Variants in FSIP2 observed in about 807,000 individuals in gnomAD.
FSIP2 encodes fibrous sheath interacting protein 2.
Under a neutral mutation model 510.5 loss-of-function variants are expected in FSIP2, and 367 were observed. The ratio of observed to expected loss-of-function variants is 0.72; its 90% confidence interval spans 0.66 to 0.78. FSIP2 has a LOEUF of 0.78. Ranked by LOEUF, FSIP2 falls within the 30% of genes least tolerant of loss-of-function variation. The pLI, the probability that FSIP2 is intolerant of heterozygous loss-of-function variation, is 0.00. For missense variants in FSIP2, 7,594 were observed against 7,901.7 expected (o/e 0.96, Z 1.48); for synonymous variants, 2,601 against 2,732.2 (o/e 0.95, Z 1.50).
chr2:185,818,549 A>G (rs1394917383), intron 19 of FSIP2, among the ~76,000 whole-genome samples: 1 of 151,884 alleles, frequency 6.6e-6, no homozygotes, highest in Non-Finnish European at 1.5e-5. Flanking sequence ...GAAGACAAAG[A>G]TAATCTTTAA....
At chr2:185,821,309 C>A (rs1023107661) in intron 19 of FSIP2, among the ~76,000 whole-genome samples, 1 of 151,720 alleles carries the variant, frequency 6.6e-6, no homozygotes, top group Non-Finnish European at 1.5e-5. Context: ...AACTGAAAAA[C>A]CTCCTAACAA....
chr2:185,771,457 C>A (rs902026925), intron 13 of FSIP2, among the ~76,000 whole-genome samples: 1 of 152,210 alleles, frequency 6.6e-6, no homozygotes, highest in Non-Finnish European at 1.5e-5. Context: ...GCACATAGAA[C>A]CTGACAAGGC....
At chr2:185,757,366 T>C (rs1344594266) in intron 9 of FSIP2, among the ~76,000 whole-genome samples, 1 of 151,406 alleles carries the variant, frequency 6.6e-6, no homozygotes, top group African/African-American at 2.4e-5. Flanking sequence ...TAAATTTAAT[T>C]AAACATGGTT....
Position 185,792,185 on chromosome 2 carries a change from C to T in FSIP2, c.5049C>T (p.Val1683=). 1 of 1,531,436 alleles carries T rather than the reference C, an allele frequency of 6.5e-7. No individual in the cohort carries two copies. Among genetic ancestry groups the T allele is most frequent in the Non-Finnish European group, 8.7e-7 (1 of 1,144,314 alleles). 94.9% of individuals were successfully genotyped at this position (1,531,436 alleles called of 1,614,324 possible). A position where few individuals can be genotyped will look rare whatever the true frequency, so the allele number is the denominator to read the frequency against. ...AGACTCAAATACTTAAGTATGTAGTCAAGTTAATTTTAGATGCAGTATCTT... is the reference window on the plus strand; with the variant it reads ...AGACTCAAATACTTAAGTATGTAGTTAAGTTAATTTTAGATGCAGTATCTT... The part of the protein sequence containing the change: ...PPETQILKYV[V]KLILDAVSSD... Residue 1683 remains valine (V), a synonymous_variant, in exon 16 of 23, where the codon GTC becomes GTT. Transcript: ENST00000424728.
chr2:185,832,667 G>C (rs6743211), intron 22 of FSIP2, among the ~76,000 whole-genome samples: 100,674 of 151,568 alleles, frequency 0.66, 33,683 homozygotes, highest in South Asian at 0.72. Context: ...CAAAAAAAAT[G>C]CAAATAGGAA....
Position 185,800,299 on chromosome 2 carries a change from G to A in FSIP2, c.10993G>A (p.Gly3665Ser). ...CTGGCAATTTTCTACTCAACAAATT[G>A]GTCAACTTTTTCAAAAAAATAAGTT... ...RDWQFSTQQI[G>S]QLFQKNKLSY... Residue 3665 changes from glycine to serine, a missense_variant, in exon 17 of 23, where the codon GGT becomes AGT. Coordinates refer to ENST00000424728, the MANE Select transcript of FSIP2 (RefSeq NM_173651.4). 1 of 1,533,626 alleles carries A rather than the reference G, an allele frequency of 6.5e-7. No homozygotes were observed. Among genetic ancestry groups the A allele is most frequent in the Non-Finnish European group, 8.7e-7 (1 of 1,145,512 alleles).
At chr2:185,832,621 T>C (rs2105510970) in intron 22 of FSIP2, among the ~76,000 whole-genome samples, 1 of 151,884 alleles carries the variant, frequency 6.6e-6, no homozygotes, top group African/African-American at 2.4e-5. Context: ...ACTGAGATGA[T>C]TATATTCTTT....
chr2:185,789,198 A>AATTT lies in FSIP2; in HGVS notation c.2064_2067dup (p.Lys690PhefsTer7). On this transcript the variant is annotated frameshift_variant, in exon 16 of 23. Coordinates refer to ENST00000424728, the MANE Select transcript of FSIP2 (RefSeq NM_173651.4). LOFTEE classifies it high-confidence loss of function. ...AGCAAAAGCCATGGATGAAATGAAG[A>AATTT]ATTTAAAAAATGTTTTTGTTAACTT... The AATTT allele has an allele frequency of 1.3e-6, 2 of 1,534,448 alleles. No individual in the cohort carries two copies. The highest frequency in any genetic ancestry group is 1.7e-6 in the Non-Finnish European group (2 of 1,145,694).
In FSIP2 at chr2:185,803,235, A is replaced by G. The variant is rs1368214658; in HGVS notation, c.13929A>G (p.Gln4643=). ...KIFHRVVGIV[Q]TKSIRDSEDE... ...TCCACAGGGTAGTAGGCATTGTACA[A>G]ACAAAATCCATAAGAGATTCAGAAG... is the stretch of plus-strand genomic sequence containing the variant. Residue 4643 remains glutamine, a synonymous_variant, in exon 17 of 23, where the codon CAA becomes CAG. Transcript: ENST00000424728. 3 of 1,528,490 alleles carry G rather than the reference A, an allele frequency of 2.0e-6. No homozygotes were observed. In the African/African-American group the frequency reaches 4.1e-5, roughly 21 times the overall value. The allele number at this position is 1,528,490 out of a possible 1,614,324, so 94.7% of individuals were successfully genotyped here.
chr2:185,776,575 T>C (rs1001924126), intron 13 of FSIP2, among the ~76,000 whole-genome samples: 3 of 152,238 alleles, frequency 2.0e-5, no homozygotes, highest in African/African-American at 7.2e-5. Flanking sequence ...TATTCATTTT[T>C]AATTTATTTG....
At position 185,793,846 on chromosome 2, in the gene FSIP2, A is replaced by ACACT; in HGVS notation, c.6713_6716dup (p.Gln2239HisfsTer7). On this transcript the variant is annotated frameshift_variant, in exon 16 of 23. Transcript: ENST00000424728. LOFTEE classifies it high-confidence loss of function. ...CAGATAACTGTAGTAGAGAAAGAAG[A>ACACT]CACTCAGAAATCTGCTACTGACTCA... 6.5e-7 allele frequency: 1 copy of ACACT among 1,531,920 alleles called. No individual in the cohort carries two copies. Among genetic ancestry groups the ACACT allele is most frequent in the Non-Finnish European group, 8.7e-7 (1 of 1,144,742 alleles). The allele number at this position is 1,531,920 out of a possible 1,614,324, so 94.9% of individuals were successfully genotyped here.
At chr2:185,737,191 C>A (rs1294341920), upstream of FSIP2, among the ~76,000 whole-genome samples, 1 of 152,174 alleles carries the variant, frequency 6.6e-6, no homozygotes, top group East Asian at 1.9e-4. Flanking sequence ...CAGTGAGATT[C>A]TCTTTGGATT....
At position 185,801,553 on chromosome 2, in the gene FSIP2, A is replaced by C; in HGVS notation, c.12247A>C (p.Ile4083Leu). ...AATAGCAGAACAAATAACAAATGGCATATTGTTAGAGATTTTAGACTACAA... is the reference window on the plus strand; with the variant it reads ...AATAGCAGAACAAATAACAAATGGCCTATTGTTAGAGATTTTAGACTACAA... ...ASIAEQITNGILLEILDYKLP... is the reference protein window; with the variant it reads ...ASIAEQITNGLLLEILDYKLP... Residue 4083 changes from isoleucine to leucine, a missense_variant, in exon 17 of 23, where the codon ATA becomes CTA. Physicochemically the swap from Ile to Leu is conservative, Grantham distance 5. Coordinates refer to ENST00000424728, the MANE Select transcript of FSIP2 (RefSeq NM_173651.4). 1 of 1,533,926 alleles carries C rather than the reference A, an allele frequency of 6.5e-7. No individual in the cohort carries two copies. Among genetic ancestry groups the C allele is most frequent in the Non-Finnish European group, 8.7e-7 (1 of 1,145,392 alleles).
At position 185,795,483 on chromosome 2, in the gene FSIP2, T is replaced by C; in HGVS notation, c.8347T>C (p.Tyr2783His). The C allele has an allele frequency of 6.5e-7, 1 of 1,534,888 alleles. No homozygotes were observed. Among genetic ancestry groups the C allele is most frequent in the South Asian group, 1.2e-5 (1 of 84,024 alleles). The change falls in exon 16 of 23, where the codon TAT becomes CAT. Residue 2783 changes from tyrosine to histidine, a missense_variant. Coordinates refer to ENST00000424728, the MANE Select transcript of FSIP2 (RefSeq NM_173651.4). Reference sequence around the variant, plus strand: ...AGTTAATACAGTTTTGCAAGAATTATATGTTACCAATAACTGCAATTTGGC... The same window carrying C: ...AGTTAATACAGTTTTGCAAGAATTACATGTTACCAATAACTGCAATTTGGC... ...KIVNTVLQEL[Y>H]VTNNCNLAYP... is the part of the protein sequence containing the mutation.
At position 185,833,170 on chromosome 2, in the gene FSIP2, C is replaced by T. The variant is rs1476585630; in HGVS notation, c.20668C>T (p.Gln6890Ter). 1.2e-6 allele frequency: 2 copies of T among 1,609,848 alleles called. No individual in the cohort carries two copies. The highest frequency in any genetic ancestry group is 1.1e-5 in the South Asian group (1 of 90,844). ...MSSTLSKVFSQCNTNISRSSS... is the reference protein window; with the variant it reads ...MSSTLSKVFS ...TTCAACTTTGTCAAAGGTGTTTTCT[C>T]AATGTAACACCAATATTTCCAGATC... is the stretch of plus-strand genomic sequence containing the variant. Residue 6890 changes from glutamine to a stop codon, truncating the protein, a stop_gained, in exon 23 of 23, where the codon CAA (glutamine) becomes TAA (stop). Coordinates refer to ENST00000424728, the MANE Select transcript of FSIP2 (RefSeq NM_173651.4). LOFTEE classifies it low-confidence loss of function (END_TRUNC).
Position 185,781,441 on chromosome 2 carries a change from G to A in FSIP2, c.1412-1264G>A, listed in dbSNP as rs114538323. ...ACTTAACATATTTTCAGCTTATGAT[G>A]GGTTTATTGTGATATGAACCCCACT... On this transcript the variant is annotated intron_variant, in intron 13 of 22. Coordinates refer to ENST00000424728, the MANE Select transcript of FSIP2 (RefSeq NM_173651.4). 3.6e-3 allele frequency among the ~76,000 whole-genome samples: 546 copies of A among 152,250 alleles called. 2 individuals carry two copies. Among genetic ancestry groups the A allele is most frequent in the Admixed American group, 9.7e-3 (148 of 15,298 alleles).
chr2:185,796,860 C>T lies in FSIP2; in HGVS notation c.9724C>T (p.Gln3242Ter). Residue 3242 changes from glutamine (Q) to a stop codon, truncating the protein, a stop_gained, in exon 16 of 23, where the codon CAA (glutamine) becomes TAA (stop). Coordinates refer to ENST00000424728, the MANE Select transcript of FSIP2 (RefSeq NM_173651.4). LOFTEE classifies it high-confidence loss of function. The part of the protein sequence containing the change: ...MPSCSTRNKV[Q>*]DHRPRESNFG... ...ATCGTGTTCTACTAGAAACAAAGTA[C>T]AAGACCACAGACCAAGGGAATCTAA... is the stretch of plus-strand genomic sequence containing the variant. 1.3e-6 allele frequency: 2 copies of T among 1,535,074 alleles called. No individual in the cohort carries two copies. The highest frequency in any genetic ancestry group is 1.7e-6 in the Non-Finnish European group (2 of 1,146,260).
At chr2:185,782,262 G>A (rs1692868222) in intron 13 of FSIP2, among the ~76,000 whole-genome samples, 1 of 148,744 alleles carries the variant, frequency 6.7e-6, no homozygotes, top group Non-Finnish European at 1.5e-5. Flanking sequence ...GACATGTTTA[G>A]AGTGCTTTGA....
chr2:185,828,290 AT>A, intron 21 of FSIP2, 91 bp downstream of exon 21: 1 of 759,900 alleles, frequency 1.3e-6, no homozygotes, highest in South Asian at 1.6e-5. Flanking sequence ...ACTGTGTGGT[AT>A]GATTTGAAGG....
Sources: gnomAD v4.1 joint callset for allele counts (sites outside exome capture counted in the v4.1 genomes callset) on GRCh38, gnomAD v4.1.1 for gene constraint, MANE v1.5 for transcripts, NCBI Gene and HGNC (gene_info 2026-07-23, HGNC 2026-07-21) for gene names.